Variants in SH3RF3 observed in about 807,000 individuals in gnomAD.
SH3RF3 encodes the protein E3 ubiquitin-protein ligase SH3RF3.
Under a neutral mutation model 66.3 loss-of-function variants are expected in SH3RF3, and 29 were observed. That is an observed-to-expected ratio of 0.44 (90% CI 0.33 to 0.60). The LOEUF is 0.60. Ranked by LOEUF, SH3RF3 falls within the 20% of genes least tolerant of loss-of-function variation. The pLI, the probability that SH3RF3 is intolerant of heterozygous loss-of-function variation, is 0.04. For synonymous variants in SH3RF3, 583 were observed against 532.0 expected (o/e 1.10, Z -1.32); for missense variants, 1,194 against 1,190.9 (o/e 1.00, Z -0.04).
intron 1 of SH3RF3, among the ~76,000 whole-genome samples, chr2:109,214,259 C>T (rs760014081): frequency 2.0e-5 from 3 of 151,998 alleles, no homozygotes; most frequent in Non-Finnish European, 4.4e-5. Flanking sequence ...TAAGATCACC[C>T]AAAGGGAGTG....
At chr2:109,216,170 A>G (rs1046506826) in intron 1 of SH3RF3, among the ~76,000 whole-genome samples, 4 of 152,104 alleles carry the variant, frequency 2.6e-5, no homozygotes, top group Non-Finnish European at 5.9e-5. Flanking sequence ...GTCGGGAGAG[A>G]GAGTGAACTG....
intron 1 of SH3RF3, among the ~76,000 whole-genome samples, chr2:109,320,092 T>C (rs1397693209): frequency 2.0e-5 from 3 of 152,180 alleles, no homozygotes; most frequent in African/African-American, 7.2e-5. Context: ...GTCCCTTCCT[T>C]AGGCCTGGAA....
intron 1 of SH3RF3, among the ~76,000 whole-genome samples, chr2:109,200,608 G>A (rs1210113577): frequency 6.6e-6 from 1 of 152,160 alleles, no homozygotes; most frequent in Non-Finnish European, 1.5e-5. Context: ...AGATGCCACA[G>A]CCTCTTAAAG....
intron 1 of SH3RF3, among the ~76,000 whole-genome samples, chr2:109,132,124 C>T (rs1676712131): frequency 6.6e-6 from 1 of 152,168 alleles, no homozygotes; most frequent in Non-Finnish European, 1.5e-5. Flanking sequence ...GATGTTGTTG[C>T]ATGTTGTTTA....
At chr2:109,386,809 A>T (rs1454035123) in intron 3 of SH3RF3, among the ~76,000 whole-genome samples, 1 of 152,186 alleles carries the variant, frequency 6.6e-6, no homozygotes, top group Non-Finnish European at 1.5e-5. Flanking sequence ...GCTCTTAAAA[A>T]ATGACTGCAT....
intron 1 of SH3RF3, among the ~76,000 whole-genome samples, chr2:109,254,710 T>C (rs1391212737): frequency 6.6e-6 from 1 of 152,208 alleles, no homozygotes; most frequent in Non-Finnish European, 1.5e-5. Flanking sequence ...TGTCTCTTTC[T>C]GTGCCAGCCG....
chr2:109,170,043 GT>G (rs1263577740), intron 1 of SH3RF3, among the ~76,000 whole-genome samples: 3 of 152,126 alleles, frequency 2.0e-5, no homozygotes, highest in Admixed American at 1.3e-4. Context: ...AACTGTTATA[GT>G]TTTGATAATC....
In SH3RF3 at chr2:109,255,736, T is replaced by C. The variant is rs370775480; in HGVS notation, c.574-91938T>C. Among the ~76,000 whole-genome samples the C allele has an allele frequency of 9.2e-5, 14 of 152,340 alleles. No individual in the cohort carries two copies. In the South Asian group the frequency reaches 2.9e-3, roughly 32 times the overall value. On this transcript the variant is annotated intron_variant, in intron 1 of 9. Transcript: ENST00000309415. ...TTCATGGTCATTTCCGATAAGCTAC[T>C]TCTAGGGCCAGAATCTCTGCTGAAT... is the stretch of plus-strand genomic sequence containing the variant.
intron 3 of SH3RF3, among the ~76,000 whole-genome samples, chr2:109,397,005 C>T (rs755487584): frequency 2.0e-5 from 3 of 152,212 alleles, no homozygotes; most frequent in Non-Finnish European, 2.9e-5. Flanking sequence ...GAATGCCCCC[C>T]GGTGGCCTAC....
At chr2:109,378,353 G>T (rs1683437934) in intron 3 of SH3RF3, among the ~76,000 whole-genome samples, 1 of 152,210 alleles carries the variant, frequency 6.6e-6, no homozygotes, top group South Asian at 2.1e-4. Context: ...GTGGGAGAGG[G>T]ATGGAAGGAT....
At chr2:109,135,299 C>T (rs933118118) in intron 1 of SH3RF3, among the ~76,000 whole-genome samples, 6 of 152,164 alleles carry the variant, frequency 3.9e-5, no homozygotes, top group African/African-American at 1.4e-4. Flanking sequence ...CGGTGGCCTG[C>T]CACCTCCCCC....
Position 109,443,842 on chromosome 2 carries a change from T to C in SH3RF3, c.1829-5328T>C, listed in dbSNP as rs563279617. Among the ~76,000 whole-genome samples, 5 of 152,314 alleles carry C rather than the reference T, an allele frequency of 3.3e-5. 1 individual carries two copies. The highest frequency in any genetic ancestry group is 1.2e-4 in the African/African-American group (5 of 41,580). On this transcript the variant is annotated intron_variant, in intron 7 of 9. Transcript: ENST00000309415. The stretch of plus-strand genomic sequence containing the variant: ...CAATAATTGATAGAACAGTTAGATA[T>C]AAAATGGTAAAAATTTAAAACATTA...
At chr2:109,432,723 G>C in intron 6 of SH3RF3, 52 bp downstream of exon 6, 7 of 1,562,984 alleles carry the variant, frequency 4.5e-6, no homozygotes, top group Non-Finnish European at 6.1e-6. Flanking sequence ...GGGCCTGCAC[G>C]CCTTACCGCT....
chr2:109,156,118 C>T (rs1032995915), intron 1 of SH3RF3, among the ~76,000 whole-genome samples: 4 of 152,212 alleles, frequency 2.6e-5, no homozygotes, highest in Admixed American at 2.0e-4. Flanking sequence ...TGCTTGCTAG[C>T]CATCCTCCCA....
intron 1 of SH3RF3, among the ~76,000 whole-genome samples, chr2:109,247,477 T>C (rs1263796346): frequency 6.6e-6 from 1 of 152,224 alleles, no homozygotes; most frequent in Non-Finnish European, 1.5e-5. Context: ...CTGGAAGTTT[T>C]TGTGCAAAAC....
At position 109,252,508 on chromosome 2, in the gene SH3RF3, G is replaced by A. The variant is rs183366951; in HGVS notation, c.574-95166G>A. 1.2e-3 allele frequency among the ~76,000 whole-genome samples: 180 copies of A among 152,298 alleles called. 2 individuals are homozygous for A. The highest frequency in any genetic ancestry group is 4.1e-3 in the African/African-American group (172 of 41,568). On this transcript the variant is annotated intron_variant, in intron 1 of 9. Coordinates refer to ENST00000309415, the MANE Select transcript of SH3RF3 (RefSeq NM_001099289.3). The stretch of plus-strand genomic sequence containing the variant: ...CAGCCGTCCTGGTGTTCCTGGGACT[G>A]AGGAGTTTCTTGGGATGTGGGACTC...
chr2:109,490,547 C>T, intron 8 of SH3RF3, 58 bp from the exon 9 acceptor site: 1 of 1,313,528 alleles, frequency 7.6e-7, no homozygotes, highest in Non-Finnish European at 9.9e-7. Context: ...CTCTCTCTGA[C>T]AGCAAGGGCA....
intron 4 of SH3RF3, among the ~76,000 whole-genome samples, chr2:109,408,027 A>G (rs1440912570): frequency 1.3e-5 from 2 of 152,082 alleles, no homozygotes; most frequent in Non-Finnish European, 2.9e-5. Flanking sequence ...CAGAGTCAGG[A>G]AAGATCCTTG....
Position 109,298,681 on chromosome 2 carries a change from C to T in SH3RF3, c.574-48993C>T, listed in dbSNP as rs143483527. ...CTCCCTCTGGCCAGGCCTTCCCTGG[C>T]TCCTGTGGGTCCAGGTCCGTTTCCC... On this transcript the variant is annotated intron_variant, in intron 1 of 9. Transcript: ENST00000309415. 1.1e-3 allele frequency among the ~76,000 whole-genome samples: 173 copies of T among 152,242 alleles called. 3 individuals carry two copies. The East Asian group carries it at 0.024, about 21-fold the overall frequency.
Sources: gnomAD v4.1 joint callset for allele counts (sites outside exome capture counted in the v4.1 genomes callset) on GRCh38, gnomAD v4.1.1 for gene constraint, MANE v1.5 for transcripts, NCBI Gene and HGNC (gene_info 2026-07-23, HGNC 2026-07-21) for gene names.